DST: variants seen among roughly 807,000 people sequenced by gnomAD.
DST encodes the protein bullous pemphigoid antigen.
A neutral mutation model predicts 875.2 loss-of-function variants in DST; 253 were observed. The observed-to-expected ratio is 0.29, with a 90% CI of 0.26 to 0.32. The LOEUF is 0.32. Among genes scored for constraint, DST ranks in the 10% least tolerant of loss-of-function variants. The pLI, the probability that DST is intolerant of heterozygous loss-of-function variation, is 1.00. For missense variants in DST, 8,287 were observed against 9,111.6 expected (o/e 0.91, Z 3.68); for synonymous variants, 3,124 against 3,197.1 (o/e 0.98, Z 0.77).
intron 59 of DST, among the ~76,000 whole-genome samples, chr6:56,556,277 T>G (rs1420306948): frequency 5.3e-5 from 8 of 152,224 alleles, no homozygotes; most frequent in Non-Finnish European, 1.2e-4. Context: ...TAACTCATGA[T>G]GCATTGAGTT....
chr6:56,620,006 G>A, intron 36 of DST: 5 of 1,614,028 alleles, frequency 3.1e-6, no homozygotes, highest in Non-Finnish European at 4.2e-6. Flanking sequence ...GCATGATGTA[G>A]CCTGTGTGAT....
At chr6:56,616,036 G>A (rs747453503) in intron 36 of DST, 2 of 1,614,184 alleles carry the variant, frequency 1.2e-6, no homozygotes, top group Non-Finnish European at 1.7e-6. Flanking sequence ...CAAGGCATCG[G>A]AGGGCAGTAA....
intron 50 of DST, 25 bp downstream of exon 50, chr6:56,578,789 G>A: frequency 6.2e-7 from 1 of 1,609,324 alleles, no homozygotes; most frequent in Non-Finnish European, 8.5e-7. Context: ...CTGTGAGACA[G>A]GAAGCAAGGA....
intron 3 of DST, among the ~76,000 whole-genome samples, chr6:56,865,301 A>C (rs1015243045): frequency 7.4e-6 from 1 of 136,048 alleles, no homozygotes; most frequent in Non-Finnish European, 1.6e-5. Context: ...GTGTGTCTGT[A>C]TGTGTGTGTG....
intron 36 of DST, chr6:56,619,378 A>G: frequency 6.2e-7 from 1 of 1,613,572 alleles, no homozygotes; most frequent in Non-Finnish European, 8.5e-7. Context: ...GGATTTTATC[A>G]TTATTTTCTT....
At chr6:56,496,680 C>T (rs1423507672) in intron 82 of DST, among the ~76,000 whole-genome samples, 1 of 151,982 alleles carries the variant, frequency 6.6e-6, no homozygotes, top group Non-Finnish European at 1.5e-5. Flanking sequence ...AGGTTTGTGT[C>T]TAAAAAGTGT....
intron 4 of DST, chr6:56,742,216 TTTC>T (rs2099549577): frequency 8.7e-7 from 1 of 1,144,510 alleles, no homozygotes; most frequent in Non-Finnish European, 1.2e-6. Flanking sequence ...GTAGTGCAAC[TTTC>T]CCTTCCCAGT....
intron 10 of DST, among the ~76,000 whole-genome samples, chr6:56,654,646 A>G (rs961192696): frequency 6.6e-6 from 1 of 150,772 alleles, no homozygotes; most frequent in African/African-American, 2.5e-5. Context: ...GTTGGCATTT[A>G]TGTATAGATA....
chr6:56,723,467 G>A (rs2099429976), intron 5 of DST, among the ~76,000 whole-genome samples: 2 of 152,118 alleles, frequency 1.3e-5, no homozygotes, highest in African/African-American at 4.8e-5. Flanking sequence ...GGGAGGCTGA[G>A]GCAGGAGAAT....
At chr6:56,893,562 CTTTTTTTTT>C (rs1282483681) in intron 3 of DST, among the ~76,000 whole-genome samples, 3 of 35,910 alleles carry the variant, frequency 8.4e-5, no homozygotes, top group African/African-American at 1.3e-4. Context: ...ACTTTTAGTT[CTTTTTTTTT>C]TTTTTTTTTT....
At chr6:56,699,589 C>A (rs929617501) in intron 9 of DST, 64 bp downstream of exon 9, 3 of 734,720 alleles carry the variant, frequency 4.1e-6, no homozygotes, top group African/African-American at 3.6e-5. Context: ...GCATCATTCA[C>A]CCTTCATAGG....
intron 4 of DST, among the ~76,000 whole-genome samples, chr6:56,804,206 T>C (rs962199580): frequency 2.6e-5 from 4 of 152,182 alleles, no homozygotes; most frequent in Non-Finnish European, 4.4e-5. Context: ...ACCGTAAGGA[T>C]TGAATGCATG....
intron 80 of DST, among the ~76,000 whole-genome samples, chr6:56,498,800 T>C (rs867183835): frequency 1.9e-4 from 29 of 152,130 alleles, no homozygotes; most frequent in Admixed American, 5.9e-4. Flanking sequence ...AGTTGAAATA[T>C]TGGAAGGCCC....
intron 4 of DST, among the ~76,000 whole-genome samples, chr6:56,810,519 C>A (rs1053394018): frequency 6.6e-6 from 1 of 151,992 alleles, no homozygotes; most frequent in Non-Finnish European, 1.5e-5. Context: ...TTTTAAGAAC[C>A]TAATAATTTG....
chr6:56,583,300 A>G (rs2098064858), intron 49 of DST, among the ~76,000 whole-genome samples: 1 of 152,174 alleles, frequency 6.6e-6, no homozygotes, highest in South Asian at 2.1e-4. Context: ...CACTGGTGTG[A>G]GATGGTATCT....
At chr6:56,648,938 C>T (rs1035856084) in intron 12 of DST, among the ~76,000 whole-genome samples, 1 of 152,112 alleles carries the variant, frequency 6.6e-6, no homozygotes, top group African/African-American at 2.4e-5. Flanking sequence ...AAAGTGGCTG[C>T]CTGGGGTATT....
At position 56,603,893 on chromosome 6, in the gene DST, A is replaced by G. The variant is rs138249616; in HGVS notation, c.10735T>C (p.Leu3579=). 164 of 1,611,654 alleles carry G rather than the reference A, an allele frequency of 1.0e-4. No individual in the cohort carries two copies. The African/African-American group carries it at 2.0e-3, about 19-fold the overall frequency. Residue 3579 remains leucine, a synonymous_variant, in exon 40 of 104, where the codon TTG becomes CTG. Coordinates refer to ENST00000680361, the MANE Select transcript of DST (RefSeq NM_001374736.1). The stretch of plus-strand genomic sequence containing the variant: ...TCTTTAGACCCTGAAGTACATTCCA[A>G]ATGGCTTGGGAAATCATTACACAGA... ...KDLCNDFPSH[L]ECTSGSKEMA... is the part of the protein sequence containing the mutation.
rs1190969813 is a variant in DST at position 56,569,918 on chromosome 6, CT to C, written c.13815del (p.Val4606PhefsTer13). 2 of 1,611,900 alleles carry C rather than the reference CT, an allele frequency of 1.2e-6. No homozygotes were observed. The highest frequency in any genetic ancestry group is 1.7e-5 in the Admixed American group (1 of 59,790). ...CCAAAAGAAGGCTGTACAATGGGAACTTTTTTTGTTGTTTCTTTTATCCATG... is the reference window on the plus strand; with the variant it reads ...CCAAAAGAAGGCTGTACAATGGGAACTTTTTTGTTGTTTCTTTTATCCATG... ...LKSWIKETTKKVPIVQPSFGA... is the reference protein window; with the variant it reads ...LKSWIKETTKXVPIVQPSFGA... On this transcript the variant is annotated frameshift_variant, in exon 54 of 104. Coordinates refer to ENST00000680361, the MANE Select transcript of DST (RefSeq NM_001374736.1). LOFTEE classifies it high-confidence loss of function.
At chr6:56,552,143 T>C (rs746512675) in intron 61 of DST, 41 bp downstream of exon 61, 78 of 1,533,336 alleles carry the variant, frequency 5.1e-5, no homozygotes, top group Middle Eastern at 1.8e-4. Context: ...AGAAACTTCA[T>C]TGACAATAAA....
Sources: allele counts gnomAD v4.1 joint callset (sites outside exome capture counted in the v4.1 genomes callset), GRCh38; gene constraint gnomAD v4.1.1; transcripts MANE v1.5; gene names NCBI Gene and HGNC (gene_info 2026-07-23, HGNC 2026-07-21).